COL4A2: variants seen among roughly 807,000 people sequenced by gnomAD.
COL4A2 encodes collagen alpha-2(IV) chain.
Under a neutral mutation model 200.2 loss-of-function variants are expected in COL4A2, and 99 were observed. The ratio of observed to expected loss-of-function variants is 0.49; its 90% confidence interval spans 0.42 to 0.58. COL4A2 has a LOEUF of 0.58. Among genes scored for constraint, COL4A2 ranks in the 20% least tolerant of loss-of-function variants. The probability of loss-of-function intolerance (pLI) is 0.00; values close to 1 mark genes in which losing one functional copy is unlikely to be tolerated. For synonymous variants in COL4A2, 897 were observed against 900.6 expected (o/e 1.00, Z 0.07); for missense variants, 1,950 against 2,314.1 (o/e 0.84, Z 3.23).
chr13:110,386,433 A>T (rs1490619646), intron 4 of COL4A2, among the ~76,000 whole-genome samples: 2 of 152,098 alleles, frequency 1.3e-5, no homozygotes, highest in South Asian at 2.1e-4. Context: ...GGGATCACCA[A>T]CCCCACTCCA....
intron 29 of COL4A2, among the ~76,000 whole-genome samples, chr13:110,476,710 G>A (rs898777636): frequency 5.9e-5 from 9 of 152,232 alleles, no homozygotes; most frequent in African/African-American, 1.4e-4. Context: ...GAGCAGCTGC[G>A]ACAAGCGTCA....
At chr13:110,456,087 G>A (rs969871664) in intron 20 of COL4A2, among the ~76,000 whole-genome samples, 13 of 152,236 alleles carry the variant, frequency 8.5e-5, no homozygotes, top group African/African-American at 2.7e-4. Context: ...TCTCCAGTGC[G>A]ATGGCGCGCT....
At chr13:110,420,221 A>T (rs940983435) in intron 4 of COL4A2, among the ~76,000 whole-genome samples, 1 of 152,214 alleles carries the variant, frequency 6.6e-6, no homozygotes, top group African/African-American at 2.4e-5. Context: ...CACTGGTCCC[A>T]TCTGAGCCCC....
chr13:110,379,347 G>C (rs1043173070), intron 4 of COL4A2, among the ~76,000 whole-genome samples: 1 of 152,224 alleles, frequency 6.6e-6, no homozygotes, highest in East Asian at 1.9e-4. Flanking sequence ...GCGAGTACGC[G>C]TGCAGGTGCA....
Position 110,511,938 on chromosome 13 carries a change from C to T in COL4A2, c.4886C>T (p.Thr1629Met), listed in dbSNP as rs762126668. 1.4e-5 allele frequency: 22 copies of T among 1,613,370 alleles called. No homozygotes were observed. Among genetic ancestry groups the T allele is most frequent in the South Asian group, 2.2e-5 (2 of 91,088 alleles). Reference sequence around the variant, plus strand: ...CCTGCCCCCCTCTCTGTGCAGCACACGGCGGCGGGAGACGAAGGCGGTGGC... The same window carrying T: ...CCTGCCCCCCTCTCTGTGCAGCACATGGCGGCGGGAGACGAAGGCGGTGGC... ...LWIGYSFLMH[T>M]AAGDEGGGQS... The change falls in exon 48 of 48, where the codon ACG becomes ATG. Residue 1629 changes from threonine (T) to methionine (M), a missense_variant. By Grantham distance (81) the Thr-to-Met change is moderately conservative. Coordinates refer to ENST00000360467, the MANE Select transcript of COL4A2 (RefSeq NM_001846.4).
intron 4 of COL4A2, among the ~76,000 whole-genome samples, chr13:110,387,492 C>T (rs1335819262): frequency 6.6e-6 from 1 of 152,134 alleles, no homozygotes; most frequent in East Asian, 1.9e-4. Context: ...AGGACCCATT[C>T]CAGGGAAGCC....
chr13:110,380,895 GTCACACCCACATGCTCTATC>G (rs1878452181), intron 4 of COL4A2, among the ~76,000 whole-genome samples: 1 of 111,382 alleles, frequency 9.0e-6, no homozygotes, highest in Admixed American at 9.6e-5. Flanking sequence ...CGAGCTCTAT[GTCACACCCACATGCTCTATC>G]TCACAACCAC....
intron 4 of COL4A2, among the ~76,000 whole-genome samples, chr13:110,413,518 C>T (rs1879927913): frequency 6.6e-6 from 1 of 152,154 alleles, no homozygotes; most frequent in African/African-American, 2.4e-5. Context: ...CCCTGAGAGC[C>T]TCAGGCAGCG....
chr13:110,449,724 G>C lies in COL4A2; in HGVS notation c.1124G>C (p.Gly375Ala). The part of the protein sequence containing the change: ...PGFPGAQGEP[G>A]SQGEPGDPGL... ...TTCCCAGGGGCCCAAGGGGAGCCAG[G>C]AAGCCAGGGTGAGCCAGGAGACCCG... is the stretch of plus-strand genomic sequence containing the variant. Residue 375 changes from glycine to alanine, a missense_variant, in exon 19 of 48, where the codon GGA (glycine) becomes GCA (alanine). By Grantham distance (60) the Gly-to-Ala change is moderately conservative. This residue lies in a region of COL4A2 where 565 missense variants were observed against 593.5 expected (regional missense o/e 0.95). Transcript: ENST00000360467. 1 of 1,549,878 alleles carries C rather than the reference G, an allele frequency of 6.5e-7. No individual in the cohort carries two copies.
intron 20 of COL4A2, among the ~76,000 whole-genome samples, chr13:110,454,655 G>A (rs529848465): frequency 3.3e-5 from 5 of 152,088 alleles, no homozygotes; most frequent in Admixed American, 3.3e-4. Flanking sequence ...TCCACTCCCG[G>A]GAAATCCCAC....
intron 37 of COL4A2, 110 bp from the exon 38 acceptor site, chr13:110,491,960 C>A: frequency 1.1e-6 from 1 of 890,200 alleles, no homozygotes; most frequent in Non-Finnish European, 1.7e-6. Flanking sequence ...GCACTGCGGC[C>A]CTTCCGGCCC....
At chr13:110,383,920 C>G (rs1260792001) in intron 4 of COL4A2, among the ~76,000 whole-genome samples, 1 of 152,180 alleles carries the variant, frequency 6.6e-6, no homozygotes, top group African/African-American at 2.4e-5. Context: ...CTGTGTCAGC[C>G]CTTTTCAAGC....
chr13:110,485,731 A>C lies in COL4A2; in HGVS notation c.3102A>C (p.Gly1034=). ...GLPGRPGHIK[G]VKGDIGVPGI... ...CTGGGAGGCCCGGCCACATCAAAGG[A>C]GTCAAGGGAGACATCGGAGTCCCCG... Residue 1034 remains glycine (G), a synonymous_variant, in exon 34 of 48, where the codon GGA becomes GGC. Transcript: ENST00000360467. 6.2e-7 allele frequency: 1 copy of C among 1,613,850 alleles called. No homozygotes were observed. The highest frequency in any genetic ancestry group is 8.5e-7 in the Non-Finnish European group (1 of 1,179,944).
At chr13:110,511,391 AAAT>A (rs1048872454) in intron 47 of COL4A2, among the ~76,000 whole-genome samples, 12 of 152,210 alleles carry the variant, frequency 7.9e-5, no homozygotes, top group African/African-American at 2.9e-4. Context: ...TTAAAAAAAA[AAAT>A]AAAACCACTC....
At chr13:110,431,038 AC>A (rs930068746) in intron 10 of COL4A2, among the ~76,000 whole-genome samples, 3 of 152,170 alleles carry the variant, frequency 2.0e-5, no homozygotes, top group Non-Finnish European at 4.4e-5. Context: ...GATACTGGCC[AC>A]TGTTTAACAC....
At chr13:110,343,972 C>A (rs1876586276) in intron 3 of COL4A2, among the ~76,000 whole-genome samples, 2 of 152,102 alleles carry the variant, frequency 1.3e-5, no homozygotes, top group Non-Finnish European at 2.9e-5. Flanking sequence ...ACCACATACA[C>A]ATTTTCATTC....
Position 110,512,126 on chromosome 13 carries a change from A to C in COL4A2, c.5074A>C (p.Thr1692Pro). The part of the protein sequence containing the change: ...QSFQGSPSAD[T>P]LKAGLIRTHI... ...CTTCCAGGGCTCGCCCTCCGCCGACACGCTCAAGGCCGGCCTCATCCGCAC... is the reference window on the plus strand; with the variant it reads ...CTTCCAGGGCTCGCCCTCCGCCGACCCGCTCAAGGCCGGCCTCATCCGCAC... The change falls in exon 48 of 48, where the codon ACG becomes CCG. Residue 1692 changes from threonine to proline, a missense_variant. This residue lies in a region of COL4A2 where 1,385 missense variants were observed against 1,720.5 expected (regional missense o/e 0.80). Coordinates refer to ENST00000360467, the MANE Select transcript of COL4A2 (RefSeq NM_001846.4). 6.2e-7 allele frequency: 1 copy of C among 1,613,472 alleles called. No individual in the cohort carries two copies. Among genetic ancestry groups the C allele is most frequent in the Non-Finnish European group, 8.5e-7 (1 of 1,180,042 alleles).
Position 110,458,870 on chromosome 13 carries a change from C to T in COL4A2, c.1532C>T (p.Pro511Leu), listed in dbSNP as rs373398289. 93 of 1,612,694 alleles carry T rather than the reference C, an allele frequency of 5.8e-5. No homozygotes were observed. In the African/African-American group the frequency reaches 1.1e-3, roughly 18 times the overall value. Residue 511 changes from proline to leucine, a missense_variant, in exon 22 of 48, where the codon CCG becomes CTG. Coordinates refer to ENST00000360467, the MANE Select transcript of COL4A2 (RefSeq NM_001846.4). ...GGCTTCGCAGGCATCAACGGGGAGCCGGGGAGGAAAGGGGACAGAGGAGAC... is the reference window on the plus strand; with the variant it reads ...GGCTTCGCAGGCATCAACGGGGAGCTGGGGAGGAAAGGGGACAGAGGAGAC... Reference protein sequence around the residue: ...PKGFAGINGEPGRKGDRGDPG... With the variant: ...PKGFAGINGELGRKGDRGDPG...
chr13:110,441,030 G>A (rs1273190032), intron 16 of COL4A2, among the ~76,000 whole-genome samples: 1 of 152,190 alleles, frequency 6.6e-6, no homozygotes, highest in Non-Finnish European at 1.5e-5. Flanking sequence ...CCCTCGAGGT[G>A]GTTTTCATAT....
Sources: allele counts gnomAD v4.1 joint callset (sites outside exome capture counted in the v4.1 genomes callset), GRCh38; gene constraint gnomAD v4.1.1; regional missense constraint gnomAD v4.1.1; transcripts MANE v1.5; gene names NCBI Gene and HGNC (gene_info 2026-07-23, HGNC 2026-07-21).